The following MEF2D variants were observed in gnomAD, a reference collection of about 807,000 sequenced individuals.
The protein encoded by MEF2D is myocyte-specific enhancer factor 2D.
MEF2D carries 10 observed loss-of-function variants against 59.3 expected under a neutral mutation model. The observed-to-expected ratio is 0.17, with a 90% CI of 0.10 to 0.29. The LOEUF (loss-of-function observed/expected upper bound fraction) is 0.29. Among genes scored for constraint, MEF2D ranks in the 10% least tolerant of loss-of-function variants. The pLI is 1.00. For missense variants in MEF2D, 508 were observed against 699.4 expected (o/e 0.73, Z 3.09); for synonymous variants, 305 against 295.0 (o/e 1.03, Z -0.35).
rs139480988 is a variant in MEF2D at position 156,482,156 on chromosome 1, A to G, written c.258+281T>C. Among the ~76,000 whole-genome samples the G allele has an allele frequency of 8.5e-5, 13 of 152,366 alleles. No individual in the cohort carries two copies. In the East Asian group the frequency reaches 2.5e-3, roughly 29 times the overall value. ...CAAGAAGGCAGGATAGAGATGTTAC[A>G]TCACACTGGACGACAGCAGACTCTT... On this transcript the variant is annotated intron_variant, in intron 3 of 11. Coordinates refer to ENST00000348159, the MANE Select transcript of MEF2D (RefSeq NM_005920.4).
In MEF2D at chr1:156,479,827, GC is replaced by G. The variant is rs755778307; in HGVS notation, c.397-32del. The G allele has an allele frequency of 9.0e-6, 14 of 1,548,002 alleles. No homozygotes were observed. In the South Asian group the frequency reaches 1.5e-4, roughly 17 times the overall value. ...CAGAAAGATGGAGGGGCAGGATCAG[GC>G]CAGGTTGACCCCTTCCATGGAGTCC... is the stretch of plus-strand genomic sequence containing the variant. On this transcript the variant is annotated intron_variant, in intron 4 of 11. Transcript: ENST00000348159.
At chr1:156,491,316 C>T (rs920502823) in intron 1 of MEF2D, among the ~76,000 whole-genome samples, 1 of 152,158 alleles carries the variant, frequency 6.6e-6, no homozygotes, top group African/African-American at 2.4e-5. Flanking sequence ...CCCTTCTGGC[C>T]CAAACACATG....
chr1:156,492,595 G>A (rs868588826), intron 1 of MEF2D, among the ~76,000 whole-genome samples: 5 of 152,214 alleles, frequency 3.3e-5, no homozygotes, highest in South Asian at 2.1e-4. Flanking sequence ...GCTATCTAAC[G>A]GCCATCCCTC....
chr1:156,488,055 C>T (rs1034916198), intron 1 of MEF2D, among the ~76,000 whole-genome samples: 4 of 152,228 alleles, frequency 2.6e-5, no homozygotes, highest in Non-Finnish European at 5.9e-5. Flanking sequence ...CTCGGGCTGA[C>T]AGTATCTATG....
At chr1:156,496,257 T>C (rs1284567263) in intron 1 of MEF2D, among the ~76,000 whole-genome samples, 1 of 152,202 alleles carries the variant, frequency 6.6e-6, no homozygotes, top group Non-Finnish European at 1.5e-5. Flanking sequence ...CACAGTGGCC[T>C]TGCTCATCAG....
intron 4 of MEF2D, among the ~76,000 whole-genome samples, chr1:156,480,308 G>C (rs1571240098): frequency 6.6e-6 from 1 of 152,120 alleles, no homozygotes; most frequent in Non-Finnish European, 1.5e-5. Context: ...GAGTGTCTCT[G>C]GTTGGGCTAT....
intron 1 of MEF2D, among the ~76,000 whole-genome samples, chr1:156,487,534 G>A (rs542851554): frequency 1.3e-5 from 2 of 152,256 alleles, no homozygotes; most frequent in South Asian, 4.2e-4. Flanking sequence ...ATTGCTGCAG[G>A]GTCTTTGAAA....
intron 9 of MEF2D, among the ~76,000 whole-genome samples, chr1:156,474,285 C>T (rs943777410): frequency 6.6e-6 from 1 of 152,086 alleles, no homozygotes; most frequent in Non-Finnish European, 1.5e-5. Context: ...CCTATCTCTA[C>T]TAAAGATACA....
At chr1:156,492,485 T>G (rs958736215) in intron 1 of MEF2D, among the ~76,000 whole-genome samples, 1 of 152,170 alleles carries the variant, frequency 6.6e-6, no homozygotes, top group Non-Finnish European at 1.5e-5. Flanking sequence ...CTACCTACCT[T>G]TAAGTCTGAC....
rs185985368 is a variant in MEF2D at position 156,473,049 on chromosome 1, C to T, written c.1006+2059G>A. ...CTTTTTTTTTTTTGAGAGGGAGTCT[C>T]GCTCTGTCACCAGGCTGAAGTGCAG... is the stretch of plus-strand genomic sequence containing the variant. On this transcript the variant is annotated intron_variant, in intron 9 of 11. Transcript: ENST00000348159. 1.7e-4 allele frequency among the ~76,000 whole-genome samples: 25 copies of T among 147,724 alleles called. No homozygotes were observed. In the East Asian group the frequency reaches 4.7e-3, roughly 28 times the overall value.
At chr1:156,483,182 A>T in intron 2 of MEF2D, 57 bp downstream of exon 2, 1 of 1,542,134 alleles carries the variant, frequency 6.5e-7, no homozygotes, top group South Asian at 1.1e-5. Flanking sequence ...AAGGGAGTAG[A>T]GGCAGAGGCC....
chr1:156,489,300 G>C (rs1223761969), intron 1 of MEF2D, among the ~76,000 whole-genome samples: 1 of 151,890 alleles, frequency 6.6e-6, no homozygotes, highest in Non-Finnish European at 1.5e-5. Flanking sequence ...GCTGGGGGAG[G>C]GGGTGACAAT....
intron 2 of MEF2D, 53 bp from the exon 3 acceptor site, chr1:156,482,693 G>A (rs1487028793): frequency 1.3e-6 from 2 of 1,544,914 alleles, no homozygotes; most frequent in Admixed American, 1.7e-5. Flanking sequence ...AGGCCTGATT[G>A]GGAGTCCCAG....
intron 1 of MEF2D, among the ~76,000 whole-genome samples, chr1:156,497,682 C>A (rs961900618): frequency 2.0e-5 from 3 of 152,160 alleles, no homozygotes; most frequent in African/African-American, 7.2e-5. Flanking sequence ...GTTGGGCCCA[C>A]CCACTTGCTC....
At chr1:156,493,291 G>A (rs1206566749) in intron 1 of MEF2D, among the ~76,000 whole-genome samples, 1 of 152,224 alleles carries the variant, frequency 6.6e-6, no homozygotes, top group African/African-American at 2.4e-5. Context: ...GGACCCGAAA[G>A]AGGCCAATCC....
intron 4 of MEF2D, among the ~76,000 whole-genome samples, chr1:156,480,445 G>C (rs749611489): frequency 5.9e-5 from 9 of 152,104 alleles, no homozygotes; most frequent in Non-Finnish European, 1.3e-4. Flanking sequence ...GACACTCCAG[G>C]CCTCTCCAAC....
At chr1:156,483,129 C>G in intron 2 of MEF2D, 110 bp downstream of exon 2, 1 of 1,149,826 alleles carries the variant, frequency 8.7e-7, no homozygotes, top group East Asian at 2.3e-5. Context: ...TCTGTAATAG[C>G]TTATAGTTTC....
chr1:156,498,604 TC>T (rs910475397), intron 1 of MEF2D, among the ~76,000 whole-genome samples: 58 of 131,616 alleles, frequency 4.4e-4, no homozygotes, highest in Non-Finnish European at 5.9e-4. Flanking sequence ...CCTTCCCCCC[TC>T]CCCCCCTTCC....
In MEF2D at chr1:156,476,776, A is replaced by G. The variant is rs781101998; in HGVS notation, c.855+236T>C. On this transcript the variant is annotated intron_variant, in intron 7 of 11. Coordinates refer to ENST00000348159, the MANE Select transcript of MEF2D (RefSeq NM_005920.4). Reference sequence around the variant, plus strand: ...AATCCTTTCTATGATCCTCCCCACCACTTCTCTCTCACCTCCTGCCCCTTT... The same window carrying G: ...AATCCTTTCTATGATCCTCCCCACCGCTTCTCTCTCACCTCCTGCCCCTTT... Among the ~76,000 whole-genome samples, 18 of 151,786 alleles carry G rather than the reference A, an allele frequency of 1.2e-4. 1 individual carries two copies. Among genetic ancestry groups the G allele is most frequent in the Non-Finnish European group, 2.1e-4 (14 of 67,990 alleles).
Sources: gnomAD v4.1 joint callset for allele counts (sites outside exome capture counted in the v4.1 genomes callset) on GRCh38, gnomAD v4.1.1 for gene constraint, MANE v1.5 for transcripts, NCBI Gene and HGNC (gene_info 2026-07-23, HGNC 2026-07-21) for gene names.